Variants in IGDCC4 observed in about 807,000 individuals in gnomAD.
IGDCC4 encodes the protein immunoglobulin superfamily DCC subclass member 4, also known as likely ortholog of mouse neighbor of Punc E11.
IGDCC4 carries 72 observed loss-of-function variants against 116.6 expected under a neutral mutation model. The ratio of observed to expected loss-of-function variants is 0.62; its 90% CI spans 0.51 to 0.75. IGDCC4 has a LOEUF of 0.75. Among genes scored for constraint, IGDCC4 ranks in the 30% least tolerant of loss-of-function variants. The pLI, the probability that IGDCC4 is intolerant of heterozygous loss-of-function variation, is 0.00. For synonymous variants in IGDCC4, 709 were observed against 719.9 expected, an observed-to-expected ratio of 0.98 and a Z score of 0.24; for missense variants, 1,501 against 1,662.4, an observed-to-expected ratio of 0.90 and a Z score of 1.69.
chr15:65,401,072 A>ATGGGGGAC, intron 4 of IGDCC4, 126 bp from the exon 5 acceptor site: 1 of 1,219,230 alleles, frequency 8.2e-7, no homozygotes. Context: ...CATCTGTCAG[A>ATGGGGGAC]TGGGGGACGT....
Position 65,396,692 on chromosome 15 carries a change from C to T in IGDCC4, c.997+142G>A. On this transcript the variant is annotated intron_variant, in intron 6 of 19. Transcript: ENST00000352385. ...AAGTCCCCATCCCTCGTCCCACCTC[C>T]GCCTTACTAGGGACTCCTCCCTGAG... 3 of 1,074,600 alleles carry T rather than the reference C, an allele frequency of 2.8e-6. 1 individual carries two copies. In the South Asian group the frequency reaches 4.8e-5, roughly 17 times the overall value. The allele number at this position is 1,074,600 out of a possible 1,614,324, so 66.6% of individuals were successfully genotyped here.
chr15:65,386,182 T>C (rs893647040), intron 17 of IGDCC4, 123 bp from the exon 18 acceptor site: 11 of 661,590 alleles, frequency 1.7e-5, no homozygotes, highest in Admixed American at 5.9e-5. Flanking sequence ...GCTTTCCTGG[T>C]CTGTGCAATG....
At chr15:65,406,226 G>A (rs1014679761) in intron 3 of IGDCC4, among the ~76,000 whole-genome samples, 3 of 152,182 alleles carry the variant, frequency 2.0e-5, no homozygotes, top group Admixed American at 2.0e-4. Context: ...GGCAAGTGTT[G>A]CTGGTTTTCC....
At chr15:65,392,054 A>G in intron 11 of IGDCC4, 73 bp from the exon 12 acceptor site, 2 of 1,539,184 alleles carry the variant, frequency 1.3e-6, no homozygotes, top group Admixed American at 1.8e-5. Context: ...AGAGCATCCC[A>G]TCTCTAACTT....
intron 5 of IGDCC4, among the ~76,000 whole-genome samples, chr15:65,399,071 C>T (rs1031018128): frequency 2.0e-5 from 3 of 152,030 alleles, no homozygotes; most frequent in South Asian, 2.1e-4. Flanking sequence ...ACTGTGCACA[C>T]GAATCACAGA....
At position 65,388,469 on chromosome 15, in the gene IGDCC4, G is replaced by A. The variant is rs1567080423; in HGVS notation, c.2825C>T (p.Thr942Met). ...CATACCTGACAGCTTCTCCTGGAGC[G>A]TGATCACATCCTGCAGGCGGGAGAA... ...GPFSRLQDVI[T>M]LQEKLSDSLD... Residue 942 changes from threonine (T) to methionine (M), a missense_variant, in exon 16 of 20, where the codon ACG becomes ATG. Thr to Met is a moderately conservative substitution (Grantham distance 81). Around this residue, in one of 3 missense-constraint regions of IGDCC4, gnomAD observed 235 missense variants for 328.0 expected, o/e 0.72. Coordinates refer to ENST00000352385, the MANE Select transcript of IGDCC4 (RefSeq NM_020962.3). The A allele has an allele frequency of 1.9e-6, 3 of 1,614,124 alleles. No individual in the cohort carries two copies. The highest frequency in any genetic ancestry group is 2.5e-6 in the Non-Finnish European group (3 of 1,180,038).
intron 4 of IGDCC4, 33 bp downstream of exon 4, chr15:65,402,318 C>A: frequency 6.4e-7 from 1 of 1,552,364 alleles, no homozygotes; most frequent in Non-Finnish European, 8.7e-7. Flanking sequence ...TTCCAGAAAC[C>A]CCCAGGTTTC....
In IGDCC4 at chr15:65,395,159, A is replaced by G; in HGVS notation, c.1511T>C (p.Val504Ala). 1 of 1,613,972 alleles carries G rather than the reference A, an allele frequency of 6.2e-7. No individual in the cohort carries two copies. Among genetic ancestry groups the G allele is most frequent in the Non-Finnish European group, 8.5e-7 (1 of 1,179,902 alleles). The change falls in exon 8 of 20, where the codon GTG becomes GCG. Residue 504 changes from valine to alanine, a missense_variant. Transcript: ENST00000352385. ...EPNTDYEFYV[V>A]AYSQLGASRT... ...GCTGGCTCCCAGCTGGGAGTAGGCC[A>G]CCACGTAGAACTCATAATCTGTGTT...
At chr15:65,410,930 C>A in intron 2 of IGDCC4, 90 bp downstream of exon 2, 1 of 999,472 alleles carries the variant, frequency 1.0e-6, no homozygotes. Context: ...AAGAGAGAGG[C>A]ATTTGTGCAA....
At chr15:65,388,306 A>T (rs528153183) in intron 16 of IGDCC4, 143 bp downstream of exon 16, 4 of 1,127,398 alleles carry the variant, frequency 3.5e-6, no homozygotes, top group Non-Finnish European at 5.1e-6. Flanking sequence ...TTATCACTGA[A>T]CCACACCTAT....
chr15:65,402,530 G>A (rs369392166), intron 3 of IGDCC4, 43 bp from the exon 4 acceptor site: 26 of 1,551,022 alleles, frequency 1.7e-5, no homozygotes, highest in Non-Finnish European at 2.0e-5. Context: ...GGGCAGGGGG[G>A]CCACAGGGAG....
intron 3 of IGDCC4, among the ~76,000 whole-genome samples, chr15:65,405,581 G>A (rs567441527): frequency 1.3e-5 from 2 of 152,158 alleles, no homozygotes; most frequent in African/African-American, 2.4e-5. Context: ...TGTGTTTTGA[G>A]CTCACATTAG....
chr15:65,402,632 G>GT (rs2062999894), intron 3 of IGDCC4, 145 bp from the exon 4 acceptor site: 3 of 1,066,652 alleles, frequency 2.8e-6, no homozygotes, highest in Non-Finnish European at 3.9e-6. Flanking sequence ...ACTTTGGGAG[G>GT]CGAGGCGGGC....
rs2091492487 is a variant in IGDCC4, at chr15:65,389,485, C to G, written c.2409-74G>C. On this transcript the variant is annotated intron_variant, in intron 13 of 19. Transcript: ENST00000352385. ...CAGGGCAGACTCCTCCAAATCTACT[C>G]CCCTGCAGTCAGCCCCAGCCCCAGG... 1.9e-5 allele frequency: 30 copies of G among 1,600,876 alleles called. 1 individual carries two copies. The South Asian group carries it at 3.2e-4, about 17-fold the overall frequency.
intron 10 of IGDCC4, among the ~76,000 whole-genome samples, chr15:65,392,942 A>G (rs2062881287): frequency 6.6e-6 from 1 of 152,210 alleles, no homozygotes; most frequent in African/African-American, 2.4e-5. Context: ...AGAGTTAAGT[A>G]ATTTACCTAG....
chr15:65,385,038 C>T lies in IGDCC4; in HGVS notation c.3258G>A (p.Arg1086=), dbSNP rs772344658. 4 of 1,604,448 alleles carry T rather than the reference C, an allele frequency of 2.5e-6. No individual in the cohort carries two copies. The South Asian group carries it at 3.3e-5, about 13-fold the overall frequency. Residue 1086 remains arginine (R), a synonymous_variant, in exon 19 of 20, where the codon CGG becomes CGA. Transcript: ENST00000352385. ...GCAGCAGGGCCCGGGTCAGAGCCGG[C>T]CGGGGGCCTGCCTGGGGCAGCTCAC... The part of the protein sequence containing the change: ...AGCELPQAGP[R]PALTRALLPP...
Position 65,386,644 on chromosome 15 carries a change from A to C in IGDCC4, c.2858T>G (p.Met953Arg), listed in dbSNP as rs772901348. ...CACGATGATGCCCGTGACTGAGTGCATGTCCAGCGAGTCTGGTGGGGGAGA... is the reference window on the plus strand; with the variant it reads ...CACGATGATGCCCGTGACTGAGTGCCTGTCCAGCGAGTCTGGTGGGGGAGA... ...LQEKLSDSLDMHSVTGIIVGV... is the reference protein window; with the variant it reads ...LQEKLSDSLDRHSVTGIIVGV... Residue 953 changes from methionine (M) to arginine (R), a missense_variant, in exon 17 of 20, where the codon ATG (methionine) becomes AGG (arginine). Transcript: ENST00000352385. 6.2e-7 allele frequency: 1 copy of C among 1,611,348 alleles called. No homozygotes were observed. The highest frequency in any genetic ancestry group is 1.7e-5 in the Admixed American group (1 of 59,706).
chr15:65,420,896 C>T (rs1372337239), intron 1 of IGDCC4, among the ~76,000 whole-genome samples: 1 of 152,170 alleles, frequency 6.6e-6, no homozygotes, highest in Non-Finnish European at 1.5e-5. Flanking sequence ...TTGTCAGTTT[C>T]CCCCTCCACC....
At chr15:65,391,830 G>A (rs1366577680) in intron 12 of IGDCC4, 50 bp downstream of exon 12, 14 of 1,526,010 alleles carry the variant, frequency 9.2e-6, no homozygotes, top group South Asian at 2.3e-5. Context: ...GAAGCGGCTA[G>A]CAGAGCCCTC....
Sources: gnomAD v4.1 joint callset for allele counts (sites outside exome capture counted in the v4.1 genomes callset) on GRCh38, gnomAD v4.1.1 for gene constraint, gnomAD v4.1.1 regional missense constraint, MANE v1.5 for transcripts, NCBI Gene and HGNC (gene_info 2026-07-23, HGNC 2026-07-21) for gene names.